ARMH3: variants seen among roughly 807,000 people sequenced by gnomAD.
ARMH3 encodes the protein armadillo like helical domain containing 3, also known as armadillo-like helical domain-containing protein 3.
ARMH3 carries 60 observed loss-of-function variants against 99.1 expected under a neutral mutation model. That is an observed-to-expected ratio of 0.61 (90% CI 0.49 to 0.75). ARMH3 has a LOEUF of 0.75. Among genes scored for constraint, ARMH3 ranks in the 30% least tolerant of loss-of-function variants. The pLI, the probability that ARMH3 is intolerant of heterozygous loss-of-function variation, is 0.00. For missense variants in ARMH3, 679 were observed against 843.1 expected (o/e 0.81, Z 2.41); for synonymous variants, 285 against 292.8 (o/e 0.97, Z 0.27).
At chr10:102,053,362 C>T (rs1023076502) in intron 1 of ARMH3, among the ~76,000 whole-genome samples, 1 of 151,982 alleles carries the variant, frequency 6.6e-6, no homozygotes, top group African/African-American at 2.4e-5. Context: ...CCTCTCACAT[C>T]CTCACCAAGC....
chr10:101,979,587 T>C (rs1231233128), intron 19 of ARMH3, among the ~76,000 whole-genome samples: 1 of 152,188 alleles, frequency 6.6e-6, no homozygotes, highest in African/African-American at 2.4e-5. Flanking sequence ...GTGGTAATAG[T>C]TGCACAACTC....
intron 16 of ARMH3, 132 bp downstream of exon 16, chr10:101,995,165 C>T: frequency 1.3e-6 from 1 of 765,126 alleles, no homozygotes; most frequent in East Asian, 2.5e-5. Context: ...ACAGATAATA[C>T]AAAGGGGGAA....
chr10:101,966,509 C>T (rs760493217), intron 20 of ARMH3, among the ~76,000 whole-genome samples: 3 of 151,754 alleles, frequency 2.0e-5, no homozygotes, highest in East Asian at 1.9e-4. Flanking sequence ...TTCAGGTGAT[C>T]GGCCAAAGTG....
intron 24 of ARMH3, among the ~76,000 whole-genome samples, chr10:101,885,331 C>A (rs577736998): frequency 1.3e-5 from 2 of 152,136 alleles, no homozygotes; most frequent in Admixed American, 6.6e-5. Context: ...AGTTGTAATA[C>A]GCCAATGTTC....
At chr10:101,922,858 A>C (rs1245981989) in intron 23 of ARMH3, among the ~76,000 whole-genome samples, 2 of 152,152 alleles carry the variant, frequency 1.3e-5, no homozygotes, top group African/African-American at 4.8e-5. Context: ...AGGGGAGAAC[A>C]ATGGGAACCA....
At chr10:102,015,396 T>A (rs2066725173) in intron 8 of ARMH3, among the ~76,000 whole-genome samples, 1 of 151,954 alleles carries the variant, frequency 6.6e-6, no homozygotes, top group African/African-American at 2.4e-5. Flanking sequence ...TTGGGATTTT[T>A]TTTTTTTTTT....
chr10:101,891,730 G>T (rs2067695844), intron 23 of ARMH3, among the ~76,000 whole-genome samples: 1 of 152,154 alleles, frequency 6.6e-6, no homozygotes, highest in South Asian at 2.1e-4. Context: ...CGGAAATTAG[G>T]CTGAGGGTAT....
intron 8 of ARMH3, among the ~76,000 whole-genome samples, chr10:102,021,672 C>T (rs1171921238): frequency 1.3e-5 from 2 of 151,918 alleles, no homozygotes; most frequent in African/African-American, 2.4e-5. Context: ...TTCAGCCTCC[C>T]GAGTAGCTGG....
chr10:101,881,608 G>T (rs2067421615), intron 24 of ARMH3, among the ~76,000 whole-genome samples: 1 of 152,110 alleles, frequency 6.6e-6, no homozygotes, highest in Admixed American at 6.5e-5. Context: ...CTCATCATAT[G>T]TCTACCATTG....
At chr10:101,964,251 C>A (rs1377975073) in intron 20 of ARMH3, among the ~76,000 whole-genome samples, 3 of 152,156 alleles carry the variant, frequency 2.0e-5, no homozygotes, top group Non-Finnish European at 4.4e-5. Context: ...CTCAAGTGAT[C>A]TGCCCGCCTT....
intron 5 of ARMH3, among the ~76,000 whole-genome samples, chr10:102,027,278 CAAAAA>C (rs1228063848): frequency 3.5e-5 from 2 of 56,496 alleles, no homozygotes; most frequent in Admixed American, 1.9e-4. Context: ...GATTCCGTCT[CAAAAA>C]AAAAAAAAAA....
intron 22 of ARMH3, among the ~76,000 whole-genome samples, chr10:101,943,347 C>G (rs1036804707): frequency 2.0e-5 from 3 of 152,178 alleles, no homozygotes; most frequent in Admixed American, 2.0e-4. Flanking sequence ...AAGAAAATAA[C>G]TTATGTTTCC....
intron 8 of ARMH3, among the ~76,000 whole-genome samples, chr10:102,020,555 G>A (rs894843931): frequency 2.0e-5 from 3 of 151,612 alleles, no homozygotes; most frequent in Non-Finnish European, 2.9e-5. Flanking sequence ...GCGTGGTGGC[G>A]GGCGCCTGTA....
rs2067082100 is a variant in ARMH3, at chr10:102,029,714, T to C, written c.338A>G (p.Gln113Arg). The C allele has an allele frequency of 6.2e-7, 1 of 1,614,182 alleles. No individual in the cohort carries two copies. Among genetic ancestry groups the C allele is most frequent in the Non-Finnish European group, 8.5e-7 (1 of 1,180,034 alleles). ...AAACCCAGAGGTAGACTTATTCTTTTGATGGACTCCTCGAATGAGTGCGCA... is the reference window on the plus strand; with the variant it reads ...AAACCCAGAGGTAGACTTATTCTTTCGATGGACTCCTCGAATGAGTGCGCA... The part of the protein sequence containing the change: ...TLCALIRGVH[Q>R]KNKSTSGFDI... Residue 113 changes from glutamine (Q) to arginine (R), a missense_variant, in exon 5 of 26, where the codon CAA becomes CGA. Transcript: ENST00000370033.
intron 24 of ARMH3, among the ~76,000 whole-genome samples, chr10:101,868,552 G>A (rs542692499): frequency 6.6e-6 from 1 of 152,152 alleles, no homozygotes; most frequent in East Asian, 1.9e-4. Flanking sequence ...TCCTTAGACA[G>A]CAAGACCAAC....
intron 15 of ARMH3, among the ~76,000 whole-genome samples, chr10:101,998,635 CT>C (rs1157415918): frequency 1.3e-5 from 2 of 152,182 alleles, no homozygotes; most frequent in Non-Finnish European, 2.9e-5. Context: ...CCATACTTAC[CT>C]TTTAGCTCTC....
chr10:101,932,553 A>G (rs747132135), intron 23 of ARMH3, among the ~76,000 whole-genome samples: 8 of 152,254 alleles, frequency 5.3e-5, no homozygotes, highest in Non-Finnish European at 1.0e-4. Flanking sequence ...AAAATGTGGT[A>G]TATTCATACA....
Position 102,016,120 on chromosome 10 carries a change from G to A in ARMH3, c.670-2096C>T, listed in dbSNP as rs368753197. Among the ~76,000 whole-genome samples the A allele has an allele frequency of 8.1e-4, 123 of 152,348 alleles. 2 individuals carry two copies. Among genetic ancestry groups the A allele is most frequent in the African/African-American group, 1.6e-3 (67 of 41,578 alleles). ...CTTCCACTCCAGCCTGGGTAACAGAGTGAGACCCTGTCTCGATCAATCAAT... is the reference window on the plus strand; with the variant it reads ...CTTCCACTCCAGCCTGGGTAACAGAATGAGACCCTGTCTCGATCAATCAAT... On this transcript the variant is annotated intron_variant, in intron 8 of 25. Transcript: ENST00000370033.
At chr10:101,852,316 G>A (rs1270934479) in intron 24 of ARMH3, among the ~76,000 whole-genome samples, 1 of 152,226 alleles carries the variant, frequency 6.6e-6, no homozygotes, top group Non-Finnish European at 1.5e-5. Flanking sequence ...CCTCTTGCCA[G>A]GGCATGGTAG....
Sources: gnomAD v4.1 joint callset for allele counts (sites outside exome capture counted in the v4.1 genomes callset) on GRCh38, gnomAD v4.1.1 for gene constraint, MANE v1.5 for transcripts, NCBI Gene and HGNC (gene_info 2026-07-23, HGNC 2026-07-21) for gene names.